Variants in DGKI observed in about 807,000 individuals in gnomAD.
The protein encoded by DGKI is DAG kinase iota.
A neutral mutation model predicts 147.5 loss-of-function variants in DGKI; 55 were observed. That is an observed-to-expected ratio of 0.37 (90% CI 0.30 to 0.47). The LOEUF (loss-of-function observed/expected upper bound fraction) is 0.47. Ranked by LOEUF, DGKI falls within the 20% of genes least tolerant of loss-of-function variation. DGKI has a pLI of 1.00. For missense variants in DGKI, 1,007 were observed against 1,323.8 expected, an observed-to-expected ratio of 0.76 and a Z score of 3.71; for synonymous variants, 469 against 477.1, an observed-to-expected ratio of 0.98 and a Z score of 0.22.
chr7:137,812,952 A>G (rs906985060), intron 1 of DGKI, among the ~76,000 whole-genome samples: 1 of 152,258 alleles, frequency 6.6e-6, no homozygotes, highest in Non-Finnish European at 1.5e-5. Flanking sequence ...AAGTACAGAA[A>G]GCATCAGTTG....
intron 8 of DGKI, among the ~76,000 whole-genome samples, chr7:137,612,724 G>T (rs1454356490): frequency 6.6e-6 from 1 of 152,082 alleles, no homozygotes; most frequent in Non-Finnish European, 1.5e-5. Context: ...GAATTTGTTG[G>T]TGATATATGC....
intron 8 of DGKI, among the ~76,000 whole-genome samples, chr7:137,616,664 T>C (rs916352964): frequency 1.3e-5 from 2 of 151,940 alleles, no homozygotes; most frequent in Admixed American, 1.3e-4. Flanking sequence ...AATATAAACA[T>C]AGGAAGAAGA....
intron 3 of DGKI, among the ~76,000 whole-genome samples, chr7:137,678,032 C>G (rs1306588638): frequency 2.0e-5 from 3 of 152,168 alleles, no homozygotes; most frequent in Non-Finnish European, 1.5e-5. Flanking sequence ...TCCAATTGAC[C>G]TGACTGTTGA....
intron 1 of DGKI, among the ~76,000 whole-genome samples, chr7:137,723,014 C>A (rs918213077): frequency 3.3e-5 from 5 of 152,284 alleles, no homozygotes; most frequent in African/African-American, 9.6e-5. Flanking sequence ...TTTTCCCCAT[C>A]TGTAAAATGG....
intron 27 of DGKI, among the ~76,000 whole-genome samples, chr7:137,462,219 A>T (rs183315995): frequency 6.6e-6 from 1 of 152,164 alleles, no homozygotes; most frequent in Non-Finnish European, 1.5e-5. Flanking sequence ...TAATTTTCCA[A>T]TAAGTCTGCC....
chr7:137,819,311 G>GA (rs1001156976), intron 1 of DGKI, among the ~76,000 whole-genome samples: 1 of 130,806 alleles, frequency 7.6e-6, no homozygotes, highest in Admixed American at 8.3e-5. Context: ...GACTACAAGG[G>GA]AATTTTTTTT....
chr7:137,605,873 G>A (rs1350646514), intron 10 of DGKI, among the ~76,000 whole-genome samples: 1 of 152,126 alleles, frequency 6.6e-6, no homozygotes, highest in African/African-American at 2.4e-5. Flanking sequence ...CAATTACATA[G>A]AAGAAATAGG....
chr7:137,610,314 A>G (rs2128993157), intron 8 of DGKI, among the ~76,000 whole-genome samples: 1 of 152,276 alleles, frequency 6.6e-6, no homozygotes, highest in African/African-American at 2.4e-5. Context: ...TTCTTATAAA[A>G]GTGCCTCAAA....
At chr7:137,465,847 G>A in intron 26 of DGKI, 61 bp downstream of exon 26, 2 of 1,564,238 alleles carry the variant, frequency 1.3e-6, no homozygotes, top group South Asian at 2.4e-5. Flanking sequence ...AAGTTCAAAG[G>A]CGAACCAGAC....
At chr7:137,694,504 A>T (rs1260331104) in intron 1 of DGKI, among the ~76,000 whole-genome samples, 3 of 152,094 alleles carry the variant, frequency 2.0e-5, no homozygotes, top group African/African-American at 4.8e-5. Flanking sequence ...GTGATGCTGC[A>T]CGTGAGAACA....
At chr7:137,597,452 T>TA (rs113622672) in intron 12 of DGKI, among the ~76,000 whole-genome samples, 3,918 of 146,356 alleles carry the variant, frequency 0.027, 163 homozygotes, top group African/African-American at 0.088. Flanking sequence ...TTCCCACTAG[T>TA]AAAAAAAAAA....
At chr7:137,422,416 T>C (rs775130806) in intron 28 of DGKI, among the ~76,000 whole-genome samples, 1 of 152,134 alleles carries the variant, frequency 6.6e-6, no homozygotes, top group South Asian at 2.1e-4. Flanking sequence ...AACATATTTT[T>C]ATATAGTACC....
rs192554926 is a variant in DGKI, at chr7:137,717,055, C to G, written c.402-27053G>C. 1.7e-3 allele frequency among the ~76,000 whole-genome samples: 255 copies of G among 152,244 alleles called. 1 individual carries two copies. The highest frequency in any genetic ancestry group is 5.7e-3 in the African/African-American group (238 of 41,552). ...TATATGGTAAACTTGCTTTTCTGAC[C>G]CTTCTGATTGGATTACAGAAGACAG... On this transcript the variant is annotated intron_variant, in intron 1 of 32. Transcript: ENST00000614521.
chr7:137,762,472 A>G (rs927160447), intron 1 of DGKI, among the ~76,000 whole-genome samples: 1 of 152,214 alleles, frequency 6.6e-6, no homozygotes, highest in Non-Finnish European at 1.5e-5. Flanking sequence ...AAAGTGAGAA[A>G]AATATGTAAC....
chr7:137,652,820 T>G (rs1822076291), intron 5 of DGKI, among the ~76,000 whole-genome samples: 1 of 152,224 alleles, frequency 6.6e-6, no homozygotes, highest in African/African-American at 2.4e-5. Context: ...CAACTCTCTT[T>G]AAATGTTTGT....
chr7:137,466,814 G>A (rs1351195895), intron 25 of DGKI, 88 bp downstream of exon 25: 9 of 1,412,530 alleles, frequency 6.4e-6, no homozygotes, highest in African/African-American at 1.4e-5. Context: ...AGTGGTTTTC[G>A]TTAGAAAAAT....
chr7:137,803,929 C>G (rs1034244147), intron 1 of DGKI, among the ~76,000 whole-genome samples: 1 of 152,192 alleles, frequency 6.6e-6, no homozygotes, highest in Non-Finnish European at 1.5e-5. Flanking sequence ...TCCGGGCATG[C>G]GTTTTTCATT....
intron 23 of DGKI, 90 bp downstream of exon 23, chr7:137,485,284 G>A: frequency 2.1e-6 from 2 of 975,444 alleles, no homozygotes; most frequent in East Asian, 5.1e-5. Flanking sequence ...TAGGGAAGAT[G>A]TGAACTCTAA....
chr7:137,754,952 G>A (rs1302373955), intron 1 of DGKI, among the ~76,000 whole-genome samples: 2 of 152,124 alleles, frequency 1.3e-5, no homozygotes, highest in Non-Finnish European at 2.9e-5. Flanking sequence ...CTCAAACAAC[G>A]CATACTTTAA....
Sources: allele counts gnomAD v4.1 joint callset (sites outside exome capture counted in the v4.1 genomes callset), GRCh38; gene constraint gnomAD v4.1.1; transcripts MANE v1.5; gene names NCBI Gene and HGNC (gene_info 2026-07-23, HGNC 2026-07-21).